Variants in GNAQ observed in about 807,000 individuals in gnomAD.
GNAQ encodes the protein guanine nucleotide-binding protein G(q) subunit alpha.
In GNAQ, 8 loss-of-function variants were observed where a neutral mutation model predicts 43.9. That is an observed-to-expected ratio of 0.18 (90% CI 0.11 to 0.33). GNAQ has a LOEUF of 0.33. Ranked by LOEUF, GNAQ falls within the 10% of genes least tolerant of loss-of-function variation. The probability of loss-of-function intolerance (pLI) is 1.00; values close to 1 mark genes in which losing one functional copy is unlikely to be tolerated. For missense variants in GNAQ, 158 were observed against 450.8 expected (o/e 0.35, Z 5.88); for synonymous variants, 155 against 170.7 (o/e 0.91, Z 0.71).
intron 4 of GNAQ, among the ~76,000 whole-genome samples, chr9:77,795,492 A>C (rs1185473969): frequency 1.3e-5 from 2 of 152,228 alleles, no homozygotes; most frequent in Non-Finnish European, 2.9e-5. Flanking sequence ...AGGTACAAAA[A>C]TTTGAAAGTA....
At chr9:77,793,046 A>G (rs1826601471) in intron 5 of GNAQ, among the ~76,000 whole-genome samples, 1 of 152,112 alleles carries the variant, frequency 6.6e-6, no homozygotes, top group African/African-American at 2.4e-5. Flanking sequence ...AACATTCAAA[A>G]AAATCAGAAG....
intron 2 of GNAQ, among the ~76,000 whole-genome samples, chr9:77,902,534 A>C (rs1828631342): frequency 6.6e-6 from 1 of 152,260 alleles, no homozygotes; most frequent in Non-Finnish European, 1.5e-5. Flanking sequence ...TATCAGCTAA[A>C]ATATTTAGTT....
chr9:78,026,205 TTTTAA>T (rs1024748450), intron 1 of GNAQ, among the ~76,000 whole-genome samples: 17 of 152,120 alleles, frequency 1.1e-4, no homozygotes, highest in African/African-American at 3.6e-4. Flanking sequence ...TTCAGCAGGG[TTTTAA>T]TTTGTGTCAG....
intron 1 of GNAQ, among the ~76,000 whole-genome samples, chr9:77,990,897 T>C (rs1395959833): frequency 6.6e-6 from 1 of 152,218 alleles, no homozygotes; most frequent in Non-Finnish European, 1.5e-5. Context: ...ATGCTTTCCT[T>C]GTGTAACTCT....
chr9:77,973,321 C>G (rs10869998), intron 1 of GNAQ, among the ~76,000 whole-genome samples: 19,860 of 152,164 alleles, frequency 0.13, 1,542 homozygotes, highest in East Asian at 0.32. Flanking sequence ...CCTGCATGTG[C>G]AGCAGTAAGG....
At chr9:77,903,421 A>C (rs1450956416) in intron 2 of GNAQ, among the ~76,000 whole-genome samples, 1 of 152,166 alleles carries the variant, frequency 6.6e-6, no homozygotes, top group Non-Finnish European at 1.5e-5. Flanking sequence ...TGCAAGGGAG[A>C]GGATAGAAGC....
intron 1 of GNAQ, among the ~76,000 whole-genome samples, chr9:78,023,063 G>A (rs967642555): frequency 1.3e-5 from 2 of 152,174 alleles, no homozygotes; most frequent in Non-Finnish European, 2.9e-5. Context: ...CACTGCATCC[G>A]ATTCTGAAAC....
At chr9:77,976,039 T>C (rs1214400859) in intron 1 of GNAQ, among the ~76,000 whole-genome samples, 1 of 152,342 alleles carries the variant, frequency 6.6e-6, no homozygotes, top group Non-Finnish European at 1.5e-5. Flanking sequence ...AAGGCTTCTA[T>C]GTTATGCCAG....
At chr9:78,002,083 T>C (rs1255881249) in intron 1 of GNAQ, among the ~76,000 whole-genome samples, 1 of 152,260 alleles carries the variant, frequency 6.6e-6, no homozygotes, top group Non-Finnish European at 1.5e-5. Context: ...GCCATTTTTC[T>C]GTGATTTGCA....
chr9:78,003,129 T>C (rs923281023), intron 1 of GNAQ, among the ~76,000 whole-genome samples: 4 of 152,190 alleles, frequency 2.6e-5, no homozygotes, highest in Non-Finnish European at 5.9e-5. Flanking sequence ...TGTTTTAGCC[T>C]TATAATTCAA....
At chr9:77,815,855 G>T in intron 2 of GNAQ, 85 bp from the exon 3 acceptor site, 3 of 788,950 alleles carry the variant, frequency 3.8e-6, no homozygotes, top group Non-Finnish European at 6.2e-6. Flanking sequence ...ATACAATTCA[G>T]GTAACACCTT....
intron 5 of GNAQ, among the ~76,000 whole-genome samples, chr9:77,760,355 C>T (rs1003357007): frequency 3.9e-5 from 6 of 152,130 alleles, no homozygotes; most frequent in African/African-American, 1.4e-4. Flanking sequence ...TGCAGGCGCG[C>T]GCCGCCACGC....
At chr9:77,848,451 C>G (rs1476012477) in intron 2 of GNAQ, among the ~76,000 whole-genome samples, 2 of 152,222 alleles carry the variant, frequency 1.3e-5, no homozygotes, top group Non-Finnish European at 2.9e-5. Flanking sequence ...TAACAAGCAA[C>G]CCCATTGCTG....
intron 2 of GNAQ, among the ~76,000 whole-genome samples, chr9:77,899,437 C>G (rs1453674318): frequency 4.0e-5 from 6 of 151,072 alleles, no homozygotes; most frequent in Non-Finnish European, 8.9e-5. Context: ...GTGTGTGTGT[C>G]TGTGTGTGTG....
At chr9:77,989,365 G>A (rs1019427522) in intron 1 of GNAQ, among the ~76,000 whole-genome samples, 3 of 152,168 alleles carry the variant, frequency 2.0e-5, no homozygotes, top group Non-Finnish European at 2.9e-5. Flanking sequence ...GTTCAGACTC[G>A]AATGTTGAAT....
rs1264208762 is a variant in GNAQ, at chr9:77,720,114, C to T, written c.*1209G>A. The T allele has an allele frequency of 2.1e-5, 5 of 232,672 alleles. No individual in the cohort carries two copies. Among genetic ancestry groups the T allele is most frequent in the South Asian group, 1.8e-4 (1 of 5,522 alleles). 14.4% of individuals were successfully genotyped at this position (232,672 alleles called of 1,614,324 possible). On this transcript the variant is annotated 3_prime_UTR_variant, in exon 7 of 7. Transcript: ENST00000286548. ...GCCGGTTTGGACACTGAACATGGGA[C>T]GTGAACACTAACAATGTCATCTTAA...
chr9:78,015,462 G>A (rs1398112812), intron 1 of GNAQ, among the ~76,000 whole-genome samples: 1 of 152,176 alleles, frequency 6.6e-6, no homozygotes, highest in Non-Finnish European at 1.5e-5. Flanking sequence ...AGTCATGGAA[G>A]ACTTCTGCAA....
chr9:78,011,967 T>C (rs1272775897), intron 1 of GNAQ, among the ~76,000 whole-genome samples: 2 of 152,144 alleles, frequency 1.3e-5, no homozygotes, highest in African/African-American at 2.4e-5. Flanking sequence ...TGCTTCAAGA[T>C]AAATAACAAA....
intron 2 of GNAQ, among the ~76,000 whole-genome samples, chr9:77,893,926 C>A (rs1828445800): frequency 6.6e-6 from 1 of 152,076 alleles, no homozygotes; most frequent in African/African-American, 2.4e-5. Flanking sequence ...CCTTCTTCCT[C>A]CCCACTCTCA....
Sources: gnomAD v4.1 joint callset for allele counts (sites outside exome capture counted in the v4.1 genomes callset) on GRCh38, gnomAD v4.1.1 for gene constraint, MANE v1.5 for transcripts, NCBI Gene and HGNC (gene_info 2026-07-23, HGNC 2026-07-21) for gene names.